Variants in DNAAF9 observed in about 807,000 individuals in gnomAD.
DNAAF9 encodes dynein axonemal assembly factor 9, also known as shulin.
In DNAAF9, 90 loss-of-function variants were observed where a neutral mutation model predicts 167.0. The ratio of observed to expected loss-of-function variants is 0.54; its 90% CI spans 0.45 to 0.64. The LOEUF (loss-of-function observed/expected upper bound fraction) is 0.64. DNAAF9 is among the 30% of genes least tolerant of loss of function. The pLI is 0.00. For missense variants in DNAAF9, 1,315 were observed against 1,442.2 expected, an observed-to-expected ratio of 0.91 and a Z score of 1.43; for synonymous variants, 491 against 508.8, an observed-to-expected ratio of 0.96 and a Z score of 0.47.
At chr20:3,311,331 G>T (rs1355484505) in intron 20 of DNAAF9, among the ~76,000 whole-genome samples, 1 of 151,970 alleles carries the variant, frequency 6.6e-6, no homozygotes, top group Non-Finnish European at 1.5e-5. Context: ...GGTAGAGATG[G>T]GGTCTCACTG....
chr20:3,318,305 G>A lies in DNAAF9; in HGVS notation c.1452C>T (p.Ile484=), dbSNP rs758526003. The A allele has an allele frequency of 2.0e-6, 3 of 1,503,710 alleles. No individual in the cohort carries two copies. The highest frequency in any genetic ancestry group is 2.8e-6 in the Non-Finnish European group (3 of 1,085,994). 93.1% of individuals were successfully genotyped at this position (1,503,710 alleles called of 1,614,324 possible). ...TATACTTACCCTTTTCTTTAACTAA[G>A]ATCTGAGAAGTCAAAAATGATTCAG... ...VFSESFLTSQ[I]LVKEKDGTVT... Residue 484 remains isoleucine, a synonymous_variant, in exon 17 of 37, where the codon ATC becomes ATT. Transcript: ENST00000252032.
intron 24 of DNAAF9, 136 bp from the exon 25 acceptor site, chr20:3,294,392 A>G: frequency 2.5e-6 from 2 of 796,680 alleles, no homozygotes. Context: ...AAAATTGTGT[A>G]CAGTGTGTTA....
intron 14 of DNAAF9, among the ~76,000 whole-genome samples, chr20:3,324,682 CAT>C (rs1568605076): frequency 1.3e-5 from 2 of 152,178 alleles, no homozygotes; most frequent in African/African-American, 2.4e-5. Context: ...AACCTCAGAA[CAT>C]GTGTGTGACT....
At chr20:3,372,776 GTACCTCAGAGGGTTACTATACC>G (rs34415197) in intron 6 of DNAAF9, among the ~76,000 whole-genome samples, 30,790 of 151,962 alleles carry the variant, frequency 0.2, 3,402 homozygotes, top group African/African-American at 0.27. Context: ...GAACGGGGAT[GTACCTCAGAGGGTTACTATACC>G]TACCTCAGAG....
chr20:3,282,676 A>G (rs978840168), intron 27 of DNAAF9, among the ~76,000 whole-genome samples: 3 of 152,136 alleles, frequency 2.0e-5, no homozygotes, highest in African/African-American at 7.2e-5. Context: ...TTCATCTACT[A>G]TCACTTCCCT....
chr20:3,318,952 G>T (rs947574825), intron 16 of DNAAF9, among the ~76,000 whole-genome samples: 8 of 151,612 alleles, frequency 5.3e-5, no homozygotes, highest in African/African-American at 1.9e-4. Flanking sequence ...GCATGGTGGC[G>T]TGTGCCTGTA....
At chr20:3,279,900 C>T (rs1428024852) in intron 28 of DNAAF9, among the ~76,000 whole-genome samples, 1 of 152,204 alleles carries the variant, frequency 6.6e-6, no homozygotes, top group Non-Finnish European at 1.5e-5. Context: ...GGCTGCTGGT[C>T]TAGCTGGCAG....
chr20:3,349,834 G>C (rs2070279190), intron 7 of DNAAF9, among the ~76,000 whole-genome samples: 1 of 152,100 alleles, frequency 6.6e-6, no homozygotes. Flanking sequence ...TTTTGAAGTT[G>C]CTAATAATTT....
intron 10 of DNAAF9, among the ~76,000 whole-genome samples, chr20:3,339,251 T>C (rs1473189645): frequency 6.6e-6 from 1 of 152,250 alleles, no homozygotes; most frequent in Admixed American, 6.5e-5. Context: ...TTTAATAATC[T>C]GTATATTACA....
chr20:3,257,164 A>T (rs997610146), intron 33 of DNAAF9, among the ~76,000 whole-genome samples: 1 of 152,098 alleles, frequency 6.6e-6, no homozygotes, highest in African/African-American at 2.4e-5. Context: ...ATGAGAAAGG[A>T]TCCGGAAAAA....
At chr20:3,302,878 G>A (rs1432685011) in intron 21 of DNAAF9, among the ~76,000 whole-genome samples, 4 of 152,124 alleles carry the variant, frequency 2.6e-5, no homozygotes, top group African/African-American at 9.7e-5. Context: ...CCTTTAAATG[G>A]ATACAGTTAG....
chr20:3,380,436 C>T (rs1188556076), intron 3 of DNAAF9, among the ~76,000 whole-genome samples: 3 of 152,196 alleles, frequency 2.0e-5, no homozygotes, highest in East Asian at 1.9e-4. Context: ...CTCGGCACTA[C>T]TGACAGTTTA....
At chr20:3,311,995 C>CTTTTTTTTCT (rs57406789) in intron 20 of DNAAF9, among the ~76,000 whole-genome samples, 31,898 of 144,448 alleles carry the variant, frequency 0.22, 3,905 homozygotes, top group East Asian at 0.36. Context: ...TCTTTTTTTT[C>CTTTTTTTTCT]TTTTTTTTTT....
chr20:3,371,333 C>CT (rs532202424), intron 6 of DNAAF9, among the ~76,000 whole-genome samples: 1,197 of 84,056 alleles, frequency 0.014, 152 homozygotes, highest in Non-Finnish European at 0.022. Flanking sequence ...TGAAGAAAAT[C>CT]TTTTTTTTTT....
intron 1 of DNAAF9, among the ~76,000 whole-genome samples, chr20:3,390,299 A>C (rs1420441662): frequency 1.3e-5 from 2 of 152,154 alleles, no homozygotes; most frequent in Non-Finnish European, 2.9e-5. Flanking sequence ...GATAAACCAC[A>C]TACGGCAAAA....
chr20:3,373,574 C>A (rs564835993), intron 6 of DNAAF9, among the ~76,000 whole-genome samples: 1 of 152,230 alleles, frequency 6.6e-6, no homozygotes, highest in Admixed American at 6.5e-5. Flanking sequence ...TATCCAAATT[C>A]TGCACTGTCC....
In DNAAF9 at chr20:3,375,082, A is replaced by G. The variant is rs1442223751; in HGVS notation, c.453T>C (p.Phe151=). 1.2e-6 allele frequency: 2 copies of G among 1,612,568 alleles called. No homozygotes were observed. The highest frequency in any genetic ancestry group is 8.5e-7 in the Non-Finnish European group (1 of 1,178,616). Residue 151 remains phenylalanine (F), a synonymous_variant, in exon 5 of 37, where the codon TTT becomes TTC. Transcript: ENST00000252032. ...EAAEEFKITS[F]VDMVRDCSRI... is the part of the protein sequence containing the mutation. ...TACTACAGTCTCGAACCATGTCCAC[A>G]AAGCTGGTAATTTTAAATTCTTCTG...
At chr20:3,317,414 T>C (rs888749120) in intron 17 of DNAAF9, among the ~76,000 whole-genome samples, 2 of 150,948 alleles carry the variant, frequency 1.3e-5, no homozygotes, top group African/African-American at 2.4e-5. Context: ...TTTTGGGAAT[T>C]AGTCCATTTT....
intron 11 of DNAAF9, among the ~76,000 whole-genome samples, chr20:3,331,817 G>T (rs926281097): frequency 3.3e-5 from 5 of 152,188 alleles, no homozygotes; most frequent in Non-Finnish European, 7.3e-5. Flanking sequence ...AGGACTACAG[G>T]TGTGCACCAG....
Sources: allele counts gnomAD v4.1 joint callset (sites outside exome capture counted in the v4.1 genomes callset), GRCh38; gene constraint gnomAD v4.1.1; transcripts MANE v1.5; gene names NCBI Gene and HGNC (gene_info 2026-07-23, HGNC 2026-07-21).